Variants in GKAP1 observed in about 807,000 individuals in gnomAD.
The protein encoded by GKAP1 is G kinase anchoring protein 1.
A neutral mutation model predicts 56.7 loss-of-function variants in GKAP1; 31 were observed. That is an observed-to-expected ratio of 0.55 (90% CI 0.41 to 0.74). The LOEUF (loss-of-function observed/expected upper bound fraction) is 0.74, where lower values mean the gene tolerates loss of function less well. GKAP1 is among the 30% of genes least tolerant of loss of function. GKAP1 has a pLI of 0.00. For missense variants in GKAP1, 364 were observed against 402.3 expected (o/e 0.90, Z 0.82); for synonymous variants, 151 against 138.6 (o/e 1.09, Z -0.63).
rs1268575531 is a variant in GKAP1, at chr9:83,799,195, C to G, written c.350G>C (p.Arg117Thr). Residue 117 changes from arginine to threonine, a missense_variant, in exon 4 of 13, where the codon AGA (arginine) becomes ACA (threonine). Arg to Thr is a moderately conservative substitution (Grantham distance 71). Coordinates refer to ENST00000376371, the MANE Select transcript of GKAP1 (RefSeq NM_025211.4). The stretch of plus-strand genomic sequence containing the variant: ...TTTACTTAGTTGTACCTGCTCATCT[C>G]TTTGTCTCCACTCTTGCCAATTTTC... ...REENWQEWRQ[R>T]DEQLTSEMFE... 6.2e-7 allele frequency: 1 copy of G among 1,613,294 alleles called. No individual in the cohort carries two copies. The highest frequency in any genetic ancestry group is 8.5e-7 in the Non-Finnish European group (1 of 1,179,750).
At chr9:83,810,357 A>C (rs1944491046) in intron 2 of GKAP1, among the ~76,000 whole-genome samples, 1 of 152,250 alleles carries the variant, frequency 6.6e-6, no homozygotes, top group African/African-American at 2.4e-5. Context: ...TTTTAAAATG[A>C]AAAGTTAATG....
At chr9:83,748,620 T>C (rs1304507617) in intron 9 of GKAP1, 3 of 243,766 alleles carry the variant, frequency 1.2e-5, no homozygotes, top group Middle Eastern at 1.4e-3. Context: ...TGGAGAAAAC[T>C]CAAGATAATA....
intron 4 of GKAP1, chr9:83,793,111 A>G: frequency 4.9e-6 from 2 of 409,916 alleles, no homozygotes; most frequent in Non-Finnish European, 7.4e-6. Flanking sequence ...AAAGGACAGT[A>G]AATATTTTGG....
intron 9 of GKAP1, among the ~76,000 whole-genome samples, chr9:83,752,896 C>G (rs1943415334): frequency 6.6e-6 from 1 of 151,886 alleles, no homozygotes; most frequent in South Asian, 2.1e-4. Context: ...CATGGTGAAA[C>G]TCTGTCTCTA....
chr9:83,782,202 T>A (rs538057269), intron 6 of GKAP1, among the ~76,000 whole-genome samples: 1 of 152,048 alleles, frequency 6.6e-6, no homozygotes, highest in African/African-American at 2.4e-5. Context: ...TAGAGTGCAC[T>A]GGCATGATCA....
chr9:83,739,808 TA>T, intron 12 of GKAP1, 64 bp from the exon 13 acceptor site: 1 of 1,342,858 alleles, frequency 7.4e-7, no homozygotes, highest in South Asian at 1.3e-5. Flanking sequence ...CCACTTCATT[TA>T]AAAAATATAG....
At chr9:83,749,518 G>A (rs1943351506) in intron 9 of GKAP1, among the ~76,000 whole-genome samples, 1 of 152,070 alleles carries the variant, frequency 6.6e-6, no homozygotes, top group African/African-American at 2.4e-5. Context: ...GTGAGCCACT[G>A]CGCCCAAGCC....
intron 2 of GKAP1, among the ~76,000 whole-genome samples, chr9:83,811,695 T>C (rs1233375916): frequency 6.6e-6 from 1 of 152,174 alleles, no homozygotes; most frequent in East Asian, 1.9e-4. Context: ...GAAATGCCCC[T>C]TTAATGACCT....
intron 4 of GKAP1, among the ~76,000 whole-genome samples, chr9:83,789,401 T>C (rs538084831): frequency 6.6e-5 from 10 of 152,324 alleles, no homozygotes; most frequent in African/African-American, 2.4e-4. Flanking sequence ...CTTTGAGTTG[T>C]CCACTACTGG....
At chr9:83,750,353 C>A (rs1943367518) in intron 9 of GKAP1, among the ~76,000 whole-genome samples, 1 of 152,190 alleles carries the variant, frequency 6.6e-6, no homozygotes, top group Admixed American at 6.5e-5. Context: ...CGTGTTGTTA[C>A]TGCACTGTCT....
chr9:83,777,054 C>G (rs1340118510), intron 7 of GKAP1, among the ~76,000 whole-genome samples: 2 of 152,144 alleles, frequency 1.3e-5, no homozygotes, highest in African/African-American at 4.8e-5. Context: ...ATAAGTAGTA[C>G]ACGGACATGA....
At chr9:83,785,995 T>C (rs1047373352) in intron 5 of GKAP1, among the ~76,000 whole-genome samples, 2 of 152,202 alleles carry the variant, frequency 1.3e-5, no homozygotes, top group African/African-American at 4.8e-5. Context: ...TGCCACTCCT[T>C]CCTTCAGAAT....
At chr9:83,752,209 C>G (rs796341654) in intron 9 of GKAP1, among the ~76,000 whole-genome samples, 14 of 152,276 alleles carry the variant, frequency 9.2e-5, no homozygotes, top group African/African-American at 3.4e-4. Flanking sequence ...CGAGACCAGC[C>G]TGGTCAACAT....
intron 7 of GKAP1, among the ~76,000 whole-genome samples, chr9:83,779,003 A>G (rs371236438): frequency 6.6e-6 from 1 of 152,074 alleles, no homozygotes; most frequent in African/African-American, 2.4e-5. Context: ...CTTTCAAATC[A>G]GGAAAGAAGA....
chr9:83,754,529 C>T (rs1195899140), intron 8 of GKAP1, among the ~76,000 whole-genome samples: 1 of 152,054 alleles, frequency 6.6e-6, no homozygotes, highest in Non-Finnish European at 1.5e-5. Context: ...TTAAATTGAA[C>T]CTTGTGTGAT....
At chr9:83,804,434 C>T (rs1180197791) in intron 3 of GKAP1, among the ~76,000 whole-genome samples, 88 of 119,944 alleles carry the variant, frequency 7.3e-4, no homozygotes, top group African/African-American at 2.6e-3. Flanking sequence ...CCACCCCGTC[C>T]GGGAGGTGAG....
chr9:83,740,043 A>G (rs997639537), intron 12 of GKAP1, among the ~76,000 whole-genome samples: 2 of 152,202 alleles, frequency 1.3e-5, no homozygotes, highest in African/African-American at 4.8e-5. Context: ...AATTAAAAAT[A>G]AAGTTTTTGA....
intron 8 of GKAP1, among the ~76,000 whole-genome samples, chr9:83,768,161 T>C (rs185231453): frequency 1.3e-4 from 20 of 152,186 alleles, no homozygotes; most frequent in African/African-American, 4.8e-4. Context: ...ATAAATCTAA[T>C]CTATGTCTCC....
chr9:83,747,159 A>T (rs572330329), intron 10 of GKAP1, among the ~76,000 whole-genome samples: 14 of 152,342 alleles, frequency 9.2e-5, no homozygotes, highest in Admixed American at 3.3e-4. Context: ...ATACTAAAAA[A>T]TTAACATATA....
Sources: allele counts gnomAD v4.1 joint callset (sites outside exome capture counted in the v4.1 genomes callset), GRCh38; gene constraint gnomAD v4.1.1; transcripts MANE v1.5; gene names NCBI Gene and HGNC (gene_info 2026-07-23, HGNC 2026-07-21).